SNX29: variants seen among roughly 807,000 people sequenced by gnomAD.
SNX29 encodes the protein sorting nexin 29, also known as sorting nexin-29.
In SNX29, 78 loss-of-function variants were observed where a neutral mutation model predicts 102.1. The observed-to-expected ratio is 0.76, with a 90% CI of 0.64 to 0.92. The LOEUF (loss-of-function observed/expected upper bound fraction) is 0.92. SNX29 is among the 40% of genes least tolerant of loss of function. The pLI is 0.00. For missense variants in SNX29, 1,280 were observed against 1,061.7 expected (o/e 1.21, Z -2.86); for synonymous variants, 580 against 414.5 (o/e 1.40, Z -4.85).
At chr16:12,262,560 G>C (rs983103566) in intron 14 of SNX29, among the ~76,000 whole-genome samples, 1 of 152,232 alleles carries the variant, frequency 6.6e-6, no homozygotes, top group African/African-American at 2.4e-5. Flanking sequence ...GGGCTGGTCT[G>C]TGTACACCGG....
At chr16:12,188,964 C>G (rs746251557) in intron 13 of SNX29, among the ~76,000 whole-genome samples, 16 of 152,132 alleles carry the variant, frequency 1.1e-4, no homozygotes, top group African/African-American at 3.4e-4. Flanking sequence ...GAGCAATAAT[C>G]GTTATGATTG....
intron 14 of SNX29, among the ~76,000 whole-genome samples, chr16:12,241,269 T>A (rs563604399): frequency 2.0e-5 from 3 of 152,118 alleles, no homozygotes; most frequent in Admixed American, 6.5e-5. Context: ...TTCATTGTTG[T>A]GAACAAAAAA....
At chr16:12,016,744 T>C (rs1002384051) in intron 3 of SNX29, among the ~76,000 whole-genome samples, 2 of 152,192 alleles carry the variant, frequency 1.3e-5, no homozygotes, top group African/African-American at 4.8e-5. Flanking sequence ...GTTCATTTCT[T>C]GTTCATTTTC....
intron 1 of SNX29, among the ~76,000 whole-genome samples, chr16:11,990,596 C>T (rs914527703): frequency 2.0e-5 from 3 of 152,076 alleles, no homozygotes; most frequent in Non-Finnish European, 4.4e-5. Flanking sequence ...TAAACAATAG[C>T]AGCAACACTA....
intron 15 of SNX29, among the ~76,000 whole-genome samples, chr16:12,310,572 C>G (rs578039595): frequency 1.3e-5 from 2 of 151,462 alleles, no homozygotes; most frequent in African/African-American, 4.9e-5. Flanking sequence ...TTATAGAAAA[C>G]TCTGGAAAAT....
In SNX29 at chr16:12,572,442, G is replaced by A. The variant is rs2079206951; in HGVS notation, c.*3813G>A. The A allele has an allele frequency of 9.4e-7, 1 of 1,063,156 alleles. No homozygotes were observed. Among genetic ancestry groups the A allele is most frequent in the Non-Finnish European group, 1.1e-6 (1 of 877,928 alleles). 65.9% of individuals were successfully genotyped at this position (1,063,156 alleles called of 1,614,324 possible). A position where few individuals can be genotyped will look rare whatever the true frequency, so the allele number is the denominator to read the frequency against. On this transcript the variant is annotated 3_prime_UTR_variant, in exon 21 of 21. Coordinates refer to ENST00000566228, the MANE Select transcript of SNX29 (RefSeq NM_032167.5). ...AGGCCGGCAGTGGCTGCCTCTCTTG[G>A]TTCTGCATGGTACATTTTGCCAACC... is the stretch of plus-strand genomic sequence containing the variant.
At chr16:12,553,332 A>C (rs550134892) in intron 20 of SNX29, among the ~76,000 whole-genome samples, 78 of 152,360 alleles carry the variant, frequency 5.1e-4, no homozygotes, top group African/African-American at 1.8e-3. Flanking sequence ...CTAACAAGGC[A>C]GGCAGAGAAA....
intron 13 of SNX29, among the ~76,000 whole-genome samples, chr16:12,165,861 G>T (rs2055997304): frequency 6.6e-6 from 1 of 152,214 alleles, no homozygotes; most frequent in African/African-American, 2.4e-5. Context: ...ACCACACCCG[G>T]CCAGACTTTG....
At chr16:12,335,765 C>A (rs1214753376) in intron 15 of SNX29, among the ~76,000 whole-genome samples, 4 of 151,894 alleles carry the variant, frequency 2.6e-5, no homozygotes, top group African/African-American at 9.7e-5. Flanking sequence ...TGTTAAGTGC[C>A]TTCCCCAGAT....
chr16:12,108,178 G>A (rs2053347055), intron 11 of SNX29, among the ~76,000 whole-genome samples: 2 of 152,210 alleles, frequency 1.3e-5, no homozygotes, highest in Non-Finnish European at 2.9e-5. Flanking sequence ...CCCTCCCAGT[G>A]GTAGAGGAAG....
intron 18 of SNX29, among the ~76,000 whole-genome samples, chr16:12,466,094 A>G (rs1217170171): frequency 6.6e-6 from 1 of 152,228 alleles, no homozygotes; most frequent in African/African-American, 2.4e-5. Context: ...CAAAACAACG[A>G]TGTGTACTCC....
chr16:12,540,052 C>T (rs1306200043), intron 20 of SNX29, among the ~76,000 whole-genome samples: 1 of 152,116 alleles, frequency 6.6e-6, no homozygotes, highest in African/African-American at 2.4e-5. Flanking sequence ...CTTTTTGTGT[C>T]CCAGATCATG....
chr16:12,038,061 G>A (rs2057525431), intron 4 of SNX29, among the ~76,000 whole-genome samples: 3 of 152,150 alleles, frequency 2.0e-5, no homozygotes, highest in Admixed American at 2.0e-4. Flanking sequence ...TTAATAGCTG[G>A]TTTTCATTGA....
intron 1 of SNX29, among the ~76,000 whole-genome samples, chr16:11,981,416 C>T (rs753159008): frequency 6.6e-6 from 1 of 152,044 alleles, no homozygotes; most frequent in Non-Finnish European, 1.5e-5. Flanking sequence ...TTTTCACTTT[C>T]TTGGTGGTGT....
intron 20 of SNX29, among the ~76,000 whole-genome samples, chr16:12,562,515 A>G (rs772305513): frequency 6.6e-6 from 1 of 152,112 alleles, no homozygotes; most frequent in Non-Finnish European, 1.5e-5. Context: ...GCCCAAGTAC[A>G]CCTGCTGGTG....
At chr16:12,093,472 G>C (rs1224340058) in intron 11 of SNX29, among the ~76,000 whole-genome samples, 1 of 152,138 alleles carries the variant, frequency 6.6e-6, no homozygotes, top group East Asian at 1.9e-4. Context: ...AGAAAAGCCA[G>C]ACATGGTGGC....
rs115693701 is a variant in SNX29, at chr16:11,982,922, T to C, written c.7+6109T>C. On this transcript the variant is annotated intron_variant, in intron 1 of 20. Coordinates refer to ENST00000566228, the MANE Select transcript of SNX29 (RefSeq NM_032167.5). ...TTTGGCAGCTTTTTATTAAAAAAAATTTTTTTTAATTAACGAATATTTTTT... is the reference window on the plus strand; with the variant it reads ...TTTGGCAGCTTTTTATTAAAAAAAACTTTTTTTAATTAACGAATATTTTTT... Among the ~76,000 whole-genome samples, 322 of 152,136 alleles carry C rather than the reference T, an allele frequency of 2.1e-3. 3 individuals are homozygous for C. The highest frequency in any genetic ancestry group is 7.6e-3 in the African/African-American group (314 of 41,514).
intron 14 of SNX29, among the ~76,000 whole-genome samples, chr16:12,215,401 T>C (rs2077296138): frequency 6.6e-6 from 1 of 151,956 alleles, no homozygotes. Context: ...AAGTATTAGA[T>C]TGTTATCATC....
At position 12,118,632 on chromosome 16, in the gene SNX29, A is replaced by T. The variant is rs1470593286; in HGVS notation, c.1403-8001A>T. Among the ~76,000 whole-genome samples the T allele has an allele frequency of 5.9e-5, 9 of 152,060 alleles. No individual in the cohort carries two copies. The East Asian group carries it at 1.7e-3, about 29-fold the overall frequency. ...TGCCCGCCCTAGAGACCACCTTTTG[A>T]TGCCTTGATATGAAATGAGAACATA... On this transcript the variant is annotated intron_variant, in intron 11 of 20. Transcript: ENST00000566228.
Sources: gnomAD v4.1 joint callset for allele counts (sites outside exome capture counted in the v4.1 genomes callset) on GRCh38, gnomAD v4.1.1 for gene constraint, MANE v1.5 for transcripts, NCBI Gene and HGNC (gene_info 2026-07-23, HGNC 2026-07-21) for gene names.